CLUH: variants seen among roughly 807,000 people sequenced by gnomAD.
CLUH encodes the protein clustered mitochondria protein homolog.
CLUH carries 77 observed loss-of-function variants against 139.3 expected under a neutral mutation model. The ratio of observed to expected loss-of-function variants is 0.55; its 90% CI spans 0.46 to 0.67. CLUH has a LOEUF of 0.67. Ranked by LOEUF, CLUH falls within the 30% of genes least tolerant of loss-of-function variation. The probability of loss-of-function intolerance (pLI) is 0.00; values close to 1 mark genes in which losing one functional copy is unlikely to be tolerated. For missense variants in CLUH, 1,876 were observed against 1,875.8 expected (o/e 1.00, Z 0.00); for synonymous variants, 999 against 801.6 (o/e 1.25, Z -4.16).
chr17:2,697,860 T>TGGCCCC (rs1271980774), intron 10 of CLUH, 36 bp downstream of exon 10: 1 of 1,444,688 alleles, frequency 6.9e-7, no homozygotes, highest in Non-Finnish European at 9.1e-7. Context: ...TCCCTGCAGC[T>TGGCCCC]GGCCCCGGCC....
intron 12 of CLUH, 67 bp downstream of exon 12, chr17:2,696,367 G>T (rs1461211188): frequency 2.6e-6 from 4 of 1,515,008 alleles, no homozygotes; most frequent in Admixed American, 3.9e-5. Flanking sequence ...CAGCCCCAAG[G>T]GCCCAGGCCC....
chr17:2,693,141 CA>C (rs71377528), intron 19 of CLUH, among the ~76,000 whole-genome samples: 3 of 73,784 alleles, frequency 4.1e-5, no homozygotes, highest in African/African-American at 1.8e-4. Context: ...AAAAATGTTA[CA>C]AAAAAAAAAA....
Position 2,694,053 on chromosome 17 carries a change from C to A in CLUH, c.3092-14G>T. The A allele has an allele frequency of 6.2e-7, 1 of 1,613,872 alleles. No individual in the cohort carries two copies. The highest frequency in any genetic ancestry group is 8.5e-7 in the Non-Finnish European group (1 of 1,179,816). On this transcript the variant is annotated splice_polypyrimidine_tract_variant and intron_variant, in intron 18 of 25. Transcript: ENST00000651024. The stretch of plus-strand genomic sequence containing the variant: ...CCTTCAGGAAGCCTGCAGGGCACCC[C>A]CAGGGGTGGCAAGGTCAGGACGGGC...
rs371996237 is a variant in CLUH at position 2,693,936 on chromosome 17, G to A, written c.3195C>T (p.Leu1065=). 86 of 1,613,618 alleles carry A rather than the reference G, an allele frequency of 5.3e-5. No individual in the cohort carries two copies. Among genetic ancestry groups the A allele is most frequent in the African/African-American group, 4.0e-4 (30 of 74,940 alleles). ...CGCCCATGATGTAGTGGAGGCGGGC[G>A]AGGAGGCGCAGGCAGGCGCAGGTCT... ...HVETCACLRL[L]ARLHYIMGDY... The change falls in exon 19 of 26, where the codon CTC becomes CTT. Residue 1065 remains leucine, a synonymous_variant. Transcript: ENST00000651024.
chr17:2,694,081 T>TG (rs1472724924), intron 18 of CLUH, 42 bp from the exon 19 acceptor site: 7 of 1,613,688 alleles, frequency 4.3e-6, no homozygotes, highest in Non-Finnish European at 5.9e-6. Context: ...GGACGGGCCA[T>TG]GGGGAACCCC....
At position 2,704,274 on chromosome 17, in the gene CLUH, G is replaced by A. The variant is rs1437689980; in HGVS notation, c.303+88C>T. 20 of 1,382,538 alleles carry A rather than the reference G, an allele frequency of 1.4e-5. No individual in the cohort carries two copies. Among genetic ancestry groups the A allele is most frequent in the South Asian group, 2.6e-5 (2 of 75,562 alleles). The allele number at this position is 1,382,538 out of a possible 1,614,324, so 85.6% of individuals were successfully genotyped here. A position where few individuals can be genotyped will look rare whatever the true frequency, so the allele number is the denominator to read the frequency against. On this transcript the variant is annotated intron_variant, in intron 2 of 25. Transcript: ENST00000651024. The surrounding 1 kb of genome is among the most constrained non-coding windows in gnomAD (Gnocchi z 5.7). ...CAGTTTCCTGCCACAAAATGGGGCC[G>A]GTAGGAGCACGAGCAAGGCTGAGCT... is the stretch of plus-strand genomic sequence containing the variant.
At chr17:2,695,851 G>A (rs1290522709) in intron 13 of CLUH, 5 of 579,122 alleles carry the variant, frequency 8.6e-6, no homozygotes, top group Admixed American at 6.4e-5. Context: ...ACCAGACACA[G>A]AGCCTGCGGG....
rs187203870 is a variant in CLUH, at chr17:2,706,772, C to T, written c.101-2208G>A. ...GAAAGGCTGTGCTGGCTGCCAAGCCCCTGGAATAAGGGGAGAAGCAGGAAG... is the reference window on the plus strand; with the variant it reads ...GAAAGGCTGTGCTGGCTGCCAAGCCTCTGGAATAAGGGGAGAAGCAGGAAG... On this transcript the variant is annotated intron_variant, in intron 1 of 25. Transcript: ENST00000651024. The surrounding 1 kb of genome is among the most constrained non-coding windows in gnomAD (Gnocchi z 4.6). Among the ~76,000 whole-genome samples, 695 of 152,188 alleles carry T rather than the reference C, an allele frequency of 4.6e-3. 6 individuals carry two copies. The highest frequency in any genetic ancestry group is 0.016 in the African/African-American group (661 of 41,526).
chr17:2,694,066 GGTCA>G, intron 18 of CLUH, 27 bp from the exon 19 acceptor site: 1 of 1,613,900 alleles, frequency 6.2e-7, no homozygotes, highest in Non-Finnish European at 8.5e-7. Context: ...GGGGTGGCAA[GGTCA>G]GGACGGGCCA....
Position 2,694,883 on chromosome 17 carries a change from C to A in CLUH, c.2826G>T (p.Lys942Asn), listed in dbSNP as rs1042776497. 5 of 1,381,868 alleles carry A rather than the reference C, an allele frequency of 3.6e-6. No homozygotes were observed. The highest frequency in any genetic ancestry group is 1.2e-5 in the South Asian group (1 of 82,744). The allele number at this position is 1,381,868 out of a possible 1,614,324, so 85.6% of individuals were successfully genotyped here. A position where few individuals can be genotyped will look rare whatever the true frequency, so the allele number is the denominator to read the frequency against. ...ELWKNICQEA[K>N]NYFDFDLECE... The stretch of plus-strand genomic sequence containing the variant: ...ACTCGAGGTCGAAGTCAAAGTAGTT[C>A]TTGGCCTCCTGGCAGATGTTCTTCC... Residue 942 changes from lysine to asparagine, a missense_variant, in exon 16 of 26, where the codon AAG (lysine) becomes AAT (asparagine). Physicochemically the swap from Lys to Asn is moderately conservative, Grantham distance 94 (BLOSUM62 0). Around this residue, in one of 3 missense-constraint regions of CLUH, gnomAD observed 1,454 missense variants for 1,384.4 expected, o/e 1.05. Coordinates refer to ENST00000651024, the MANE Select transcript of CLUH (RefSeq NM_001366661.1).
chr17:2,690,395 T>C lies in CLUH; in HGVS notation c.*199A>G, dbSNP rs918634327. ...TGTCTCCAATGGGGCCTCTGCATCA[T>C]CTATTCATTGAACCAGCGCAAAAAC... On this transcript the variant is annotated 3_prime_UTR_variant, in exon 26 of 26. Coordinates refer to ENST00000651024, the MANE Select transcript of CLUH (RefSeq NM_001366661.1). The C allele has an allele frequency of 1.3e-5, 6 of 444,490 alleles. No homozygotes were observed. The highest frequency in any genetic ancestry group is 1.0e-4 in the African/African-American group (5 of 48,922). The allele number at this position is 444,490 out of a possible 1,614,324, so 27.5% of individuals were successfully genotyped here.
At position 2,693,929 on chromosome 17, in the gene CLUH, G is replaced by C; in HGVS notation, c.3202C>G (p.Leu1068Val). Residue 1068 changes from leucine (L) to valine (V), a missense_variant, in exon 19 of 26, where the codon CTC becomes GTC. Around this residue, in one of 3 missense-constraint regions of CLUH, gnomAD observed 1,454 missense variants for 1,384.4 expected, o/e 1.05. Transcript: ENST00000651024. ...GCGTAGTCGCCCATGATGTAGTGGA[G>C]GCGGGCGAGGAGGCGCAGGCAGGCG... The part of the protein sequence containing the change: ...TCACLRLLAR[L>V]HYIMGDYAEA... 2 of 1,613,512 alleles carry C rather than the reference G, an allele frequency of 1.2e-6. No individual in the cohort carries two copies. Among genetic ancestry groups the C allele is most frequent in the Non-Finnish European group, 1.7e-6 (2 of 1,179,734 alleles).
Position 2,700,603 on chromosome 17 carries a change from G to A in CLUH, c.1173+75C>T, listed in dbSNP as rs2070143860. 3.3e-6 allele frequency: 5 copies of A among 1,530,390 alleles called. No individual in the cohort carries two copies. In the South Asian group the frequency reaches 3.8e-5, roughly 12 times the overall value. 94.8% of individuals were successfully genotyped at this position (1,530,390 alleles called of 1,614,324 possible). ...AATGAAGTCAAGCATGGGGCCTCCA[G>A]GGAAGTGCACGGAACCAGCCCAGCA... is the stretch of plus-strand genomic sequence containing the variant. On this transcript the variant is annotated intron_variant, in intron 8 of 25. Coordinates refer to ENST00000651024, the MANE Select transcript of CLUH (RefSeq NM_001366661.1).
At chr17:2,694,708 C>T (rs1406441195) in intron 16 of CLUH, 144 bp from the exon 17 acceptor site, 2 of 1,354,994 alleles carry the variant, frequency 1.5e-6, no homozygotes, top group African/African-American at 2.9e-5. Context: ...TGCCCTCACC[C>T]TCCAGCACCC....
Position 2,697,996 on chromosome 17 carries a change from C to A in CLUH, c.1861G>T (p.Glu621Ter). Residue 621 changes from glutamate (E) to a stop codon, truncating the protein, a stop_gained, in exon 10 of 26, where the codon GAG becomes TAG. Transcript: ENST00000651024. LOFTEE classifies it high-confidence loss of function. ...DLNFLPVPGE[E>*]LPEECARAGF... ...GCGCGGGCGCATTCCTCAGGCAGCT[C>A]CTCGCCAGGCACGGGCAGGAAGTTG... 6.3e-7 allele frequency: 1 copy of A among 1,596,996 alleles called. No homozygotes were observed. The highest frequency in any genetic ancestry group is 8.5e-7 in the Non-Finnish European group (1 of 1,176,304).
chr17:2,695,659 T>G, intron 13 of CLUH, 133 bp from the exon 14 acceptor site: 2 of 1,212,264 alleles, frequency 1.6e-6, no homozygotes, highest in Non-Finnish European at 2.2e-6. Flanking sequence ...AGTCAGGATG[T>G]CAGAATGTGC....
intron 4 of CLUH, 60 bp from the exon 5 acceptor site, chr17:2,701,797 C>G (rs2070191904): frequency 1.3e-6 from 2 of 1,561,046 alleles, no homozygotes; most frequent in Non-Finnish European, 1.7e-6. Context: ...GTCTCCCTAC[C>G]TCCTGATGGC....
intron 12 of CLUH, 40 bp from the exon 13 acceptor site, chr17:2,696,299 C>CA: frequency 6.5e-7 from 1 of 1,538,500 alleles, no homozygotes; most frequent in Non-Finnish European, 8.8e-7. Flanking sequence ...CAGGCAGTGG[C>CA]AAGACAAATG....
intron 1 of CLUH, among the ~76,000 whole-genome samples, chr17:2,710,771 C>G (rs2151729081): frequency 6.6e-6 from 1 of 152,300 alleles, no homozygotes; most frequent in Admixed American, 6.5e-5. Context: ...TGGGGGATCG[C>G]TGGGAGCTTG....
Sources: allele counts gnomAD v4.1 joint callset (sites outside exome capture counted in the v4.1 genomes callset), GRCh38; gene constraint gnomAD v4.1.1; regional missense constraint gnomAD v4.1.1; non-coding constraint Gnocchi (gnomAD v3.1); transcripts MANE v1.5; gene names NCBI Gene and HGNC (gene_info 2026-07-23, HGNC 2026-07-21).